SMG6: variants seen among roughly 807,000 people sequenced by gnomAD.
SMG6 encodes SMG6 nonsense mediated mRNA decay factor, also known as telomerase-binding protein EST1A.
In SMG6, 66 loss-of-function variants were observed where a neutral mutation model predicts 142.2. The observed-to-expected ratio is 0.46, with a 90% confidence interval of 0.38 to 0.57. SMG6 has a LOEUF of 0.57. Among genes scored for constraint, SMG6 ranks in the 20% least tolerant of loss-of-function variants. SMG6 has a pLI of 0.00. For synonymous variants in SMG6, 779 were observed against 702.4 expected, an observed-to-expected ratio of 1.11 and a Z score of -1.72; for missense variants, 1,793 against 1,832.0, an observed-to-expected ratio of 0.98 and a Z score of 0.39.
intron 15 of SMG6, chr17:2,072,740 T>C (rs1248973914): frequency 6.6e-6 from 1 of 152,208 alleles, no homozygotes; most frequent in East Asian, 1.9e-4. Context: ...AGGTCTTCCT[T>C]CTGCTTAGGG....
intron 8 of SMG6, among the ~76,000 whole-genome samples, chr17:2,267,375 G>A (rs1210036094): frequency 2.0e-5 from 3 of 147,910 alleles, no homozygotes; most frequent in African/African-American, 7.4e-5. Context: ...TTTTTTTTTA[G>A]TAGAGACAGG....
rs192112736 is a variant in SMG6, at chr17:2,065,341, C to G, written c.4047+127G>C. 3.5e-4 allele frequency: 362 copies of G among 1,025,080 alleles called. No individual in the cohort carries two copies. The African/African-American group carries it at 4.9e-3, about 14-fold the overall frequency. The allele number at this position is 1,025,080 out of a possible 1,614,324, so 63.5% of individuals were successfully genotyped here. A position where few individuals can be genotyped will look rare whatever the true frequency, so the allele number is the denominator to read the frequency against. Reference sequence around the variant, plus strand: ...TGACTTAGGGGAGAAGGAACTCCCCCACCTGGGCCTCCATGGTGGCTGGCC... The same window carrying G: ...TGACTTAGGGGAGAAGGAACTCCCCGACCTGGGCCTCCATGGTGGCTGGCC... On this transcript the variant is annotated intron_variant, in intron 17 of 18. Coordinates refer to ENST00000263073, the MANE Select transcript of SMG6 (RefSeq NM_017575.5).
At chr17:2,101,991 G>C (rs2151475191) in intron 13 of SMG6, among the ~76,000 whole-genome samples, 1 of 152,300 alleles carries the variant, frequency 6.6e-6, no homozygotes. Context: ...GCCTCTCAGA[G>C]CTGATTTCTT....
At chr17:2,272,696 T>C (rs1235781486) in intron 8 of SMG6, among the ~76,000 whole-genome samples, 2 of 152,124 alleles carry the variant, frequency 1.3e-5, no homozygotes, top group Non-Finnish European at 2.9e-5. Flanking sequence ...CCCAGAACTT[T>C]GGGAGGCCGA....
chr17:2,080,189 C>T (rs187597482), intron 15 of SMG6, among the ~76,000 whole-genome samples: 3 of 152,040 alleles, frequency 2.0e-5, no homozygotes, highest in East Asian at 1.9e-4. Flanking sequence ...AAGGCAGAGG[C>T]GGGCAGATCA....
intron 13 of SMG6, among the ~76,000 whole-genome samples, chr17:2,156,113 G>A (rs2070993627): frequency 6.7e-6 from 1 of 149,910 alleles, no homozygotes; most frequent in Non-Finnish European, 1.5e-5. Context: ...GCTCAGGCCG[G>A]GTGCCGTGGT....
At position 2,186,690 on chromosome 17, in the gene SMG6, G is replaced by A. The variant is rs749656374; in HGVS notation, c.3128C>T (p.Pro1043Leu). ...MLGYPDTWNP[P>L]PTSLDLPSHV... is the part of the protein sequence containing the mutation. ...CGAGGGCAGATCCAGGGATGTGGGA[G>A]GAGGATTCCAGGTGTCCGGGTAGCC... The change falls in exon 12 of 19, where the codon CCT (proline) becomes CTT (leucine). Residue 1043 changes from proline to leucine, a missense_variant. Coordinates refer to ENST00000263073, the MANE Select transcript of SMG6 (RefSeq NM_017575.5). 1.7e-5 allele frequency: 28 copies of A among 1,614,126 alleles called. No homozygotes were observed. The highest frequency in any genetic ancestry group is 1.7e-5 in the Admixed American group (1 of 60,016).
intron 13 of SMG6, among the ~76,000 whole-genome samples, chr17:2,102,663 G>A (rs1420544319): frequency 6.7e-6 from 1 of 149,982 alleles, no homozygotes; most frequent in Non-Finnish European, 1.5e-5. Context: ...GAGTGACCAC[G>A]TCTGACCTCT....
chr17:2,111,831 G>A (rs1043073424), intron 13 of SMG6, among the ~76,000 whole-genome samples: 10 of 152,176 alleles, frequency 6.6e-5, no homozygotes, highest in African/African-American at 2.4e-4. Flanking sequence ...TCAGCCTGGT[G>A]AGAGGAGAGG....
chr17:2,159,307 G>GT (rs1298992970), intron 13 of SMG6, among the ~76,000 whole-genome samples: 8 of 152,114 alleles, frequency 5.3e-5, no homozygotes. Flanking sequence ...TGCTACAGCT[G>GT]TAATCCCAGC....
At position 2,299,566 on chromosome 17, in the gene SMG6, T is replaced by A. The variant is rs368147556; in HGVS notation, c.1187A>T (p.Asn396Ile). ...GKGSEKQESK[N>I]PKQELRGRGR... ...ACGACCCCGAAGTTCTTGTTTCGGGTTTTTGGACTCCTGCTTCTCAGAGCC... is the reference window on the plus strand; with the variant it reads ...ACGACCCCGAAGTTCTTGTTTCGGGATTTTGGACTCCTGCTTCTCAGAGCC... Residue 396 changes from asparagine (N) to isoleucine (I), a missense_variant, in exon 2 of 19, where the codon AAC becomes ATC. Coordinates refer to ENST00000263073, the MANE Select transcript of SMG6 (RefSeq NM_017575.5). The surrounding 1 kb of genome is among the most constrained non-coding windows in gnomAD (Gnocchi z 4.3). The A allele has an allele frequency of 1.2e-6, 2 of 1,613,880 alleles. No individual in the cohort carries two copies. Among genetic ancestry groups the A allele is most frequent in the Non-Finnish European group, 1.7e-6 (2 of 1,179,968 alleles).
intron 4 of SMG6, 108 bp from the exon 5 acceptor site, chr17:2,293,085 C>G: frequency 2.6e-6 from 2 of 758,258 alleles, no homozygotes; most frequent in Non-Finnish European, 4.6e-6. Context: ...AAGGCACTAG[C>G]GGTCCTCAAC....
intron 13 of SMG6, among the ~76,000 whole-genome samples, chr17:2,121,364 C>T (rs901421010): frequency 1.7e-4 from 26 of 151,892 alleles, no homozygotes; most frequent in Admixed American, 5.9e-4. Flanking sequence ...AGAGGAATCT[C>T]AAAAAGATTA....
At chr17:2,283,282 A>G (rs2074831081) in intron 7 of SMG6, among the ~76,000 whole-genome samples, 1 of 152,204 alleles carries the variant, frequency 6.6e-6, no homozygotes, top group Non-Finnish European at 1.5e-5. Flanking sequence ...CCACAGTCCC[A>G]AAGTAGCAGA....
chr17:2,125,601 A>C (rs1444081724), intron 13 of SMG6, among the ~76,000 whole-genome samples: 1 of 152,232 alleles, frequency 6.6e-6, no homozygotes, highest in Non-Finnish European at 1.5e-5. Flanking sequence ...GATTCAATGC[A>C]GTTCCTATCA....
At chr17:2,245,114 T>TA (rs2073900336) in intron 8 of SMG6, among the ~76,000 whole-genome samples, 2 of 152,238 alleles carry the variant, frequency 1.3e-5, no homozygotes, top group Non-Finnish European at 2.9e-5. Context: ...GCCCTGGTTC[T>TA]ATTTGGGTTA....
intron 13 of SMG6, among the ~76,000 whole-genome samples, chr17:2,113,105 TG>T (rs1056140702): frequency 2.0e-4 from 30 of 151,978 alleles, no homozygotes; most frequent in Admixed American, 1.8e-3. Context: ...TCACCCAGGC[TG>T]GAGTGCAGTG....
intron 13 of SMG6, among the ~76,000 whole-genome samples, chr17:2,132,342 C>A (rs1412824057): frequency 6.6e-6 from 1 of 152,122 alleles, no homozygotes; most frequent in Non-Finnish European, 1.5e-5. Flanking sequence ...GTTGAATGAA[C>A]GCGAGAAGTC....
At chr17:2,298,858 C>T (rs1346940989) in intron 2 of SMG6, 48 bp downstream of exon 2, 1 of 1,555,232 alleles carries the variant, frequency 6.4e-7, no homozygotes. Context: ...ATCTATACAC[C>T]TCCGGCTGAT....
Sources: gnomAD v4.1 joint callset for allele counts (sites outside exome capture counted in the v4.1 genomes callset) on GRCh38, gnomAD v4.1.1 for gene constraint, Gnocchi (gnomAD v3.1) non-coding constraint, MANE v1.5 for transcripts, NCBI Gene and HGNC (gene_info 2026-07-23, HGNC 2026-07-21) for gene names.